Variants in NCAM2 observed in about 807,000 individuals in gnomAD.
NCAM2 encodes N-CAM-2.
In NCAM2, 30 loss-of-function variants were observed where a neutral mutation model predicts 98.1. That is an observed-to-expected ratio of 0.31 (90% CI 0.23 to 0.41). The LOEUF (loss-of-function observed/expected upper bound fraction) is 0.41. NCAM2 is among the 10% of genes least tolerant of loss of function. The pLI is 1.00. For missense variants in NCAM2, 867 were observed against 1,005.8 expected, an observed-to-expected ratio of 0.86 and a Z score of 1.87; for synonymous variants, 368 against 342.4, an observed-to-expected ratio of 1.07 and a Z score of -0.83.
At chr21:21,058,710 A>G (rs1414369069) in intron 1 of NCAM2, among the ~76,000 whole-genome samples, 1 of 150,320 alleles carries the variant, frequency 6.7e-6, no homozygotes, top group Non-Finnish European at 1.5e-5. Flanking sequence ...ACATTGACCC[A>G]TTGAGTCATG....
chr21:21,283,803 A>G (rs2073007636), intron 2 of NCAM2, among the ~76,000 whole-genome samples: 1 of 151,946 alleles, frequency 6.6e-6, no homozygotes, highest in Non-Finnish European at 1.5e-5. Context: ...ATGAAATCAT[A>G]TTAGTAATTG....
intron 1 of NCAM2, among the ~76,000 whole-genome samples, chr21:21,106,861 T>C (rs1299725039): frequency 3.3e-5 from 5 of 152,132 alleles, no homozygotes; most frequent in Admixed American, 6.5e-5. Flanking sequence ...ACATGATATT[T>C]TTGTTCTGAG....
intron 1 of NCAM2, among the ~76,000 whole-genome samples, chr21:21,061,803 T>C (rs1165997448): frequency 6.6e-6 from 1 of 152,190 alleles, no homozygotes; most frequent in Non-Finnish European, 1.5e-5. Flanking sequence ...GTTATATTAA[T>C]CTATTAAATA....
At chr21:21,313,036 A>T (rs11700521) in intron 5 of NCAM2, among the ~76,000 whole-genome samples, 20,449 of 151,640 alleles carry the variant, frequency 0.13, 1,744 homozygotes, top group Non-Finnish European at 0.19. Context: ...GATTTTTTTA[A>T]ATATTTTTAT....
At chr21:21,510,411 T>A (rs1226467715) in intron 16 of NCAM2, among the ~76,000 whole-genome samples, 1 of 152,152 alleles carries the variant, frequency 6.6e-6, no homozygotes, top group African/African-American at 2.4e-5. Flanking sequence ...TTTTGCTTAT[T>A]TTGGAACTTC....
intron 12 of NCAM2, among the ~76,000 whole-genome samples, chr21:21,438,884 G>T (rs916592878): frequency 1.3e-5 from 2 of 151,962 alleles, no homozygotes; most frequent in African/African-American, 4.8e-5. Context: ...GGAGTTCAGG[G>T]TCAGTCTGGG....
At chr21:21,485,034 A>C (rs1986228911) in intron 15 of NCAM2, among the ~76,000 whole-genome samples, 1 of 152,080 alleles carries the variant, frequency 6.6e-6, no homozygotes, top group African/African-American at 2.4e-5. Context: ...TTTTAAGTAT[A>C]AGTTTCCAAC....
chr21:21,513,906 A>G (rs931193765), intron 16 of NCAM2, among the ~76,000 whole-genome samples: 1 of 152,036 alleles, frequency 6.6e-6, no homozygotes, highest in African/African-American at 2.4e-5. Context: ...TAATTGTTAT[A>G]TTCCCTTGAT....
chr21:21,473,572 C>T (rs1984759938), intron 14 of NCAM2, among the ~76,000 whole-genome samples: 1 of 151,428 alleles, frequency 6.6e-6, no homozygotes, highest in Non-Finnish European at 1.5e-5. Context: ...AATCATAGGA[C>T]ATGAGAGTCA....
intron 1 of NCAM2, chr21:21,223,877 A>G (rs1168098330): frequency 6.6e-6 from 1 of 152,218 alleles, no homozygotes; most frequent in Non-Finnish European, 1.5e-5. Context: ...TCATCTAAAA[A>G]CAGAAAATAA....
chr21:21,239,765 A>T (rs1358157691), intron 1 of NCAM2, among the ~76,000 whole-genome samples: 12 of 152,196 alleles, frequency 7.9e-5, no homozygotes, highest in South Asian at 2.1e-4. Flanking sequence ...AGGTAGACTT[A>T]AAAGTAAAAT....
At chr21:21,431,123 TTGTGTG>T (rs3037969) in intron 11 of NCAM2, among the ~76,000 whole-genome samples, 1 of 141,172 alleles carries the variant, frequency 7.1e-6, no homozygotes, top group Non-Finnish European at 1.5e-5. Flanking sequence ...TAATATATGT[TTGTGTG>T]TGTGTGTGTG....
chr21:21,412,641 A>C (rs2076910852), intron 10 of NCAM2, among the ~76,000 whole-genome samples: 1 of 152,078 alleles, frequency 6.6e-6, no homozygotes, highest in Non-Finnish European at 1.5e-5. Flanking sequence ...ATTTTAAAAA[A>C]CCCACAATTT....
At chr21:21,384,172 C>T (rs571890281) in intron 9 of NCAM2, among the ~76,000 whole-genome samples, 9 of 151,744 alleles carry the variant, frequency 5.9e-5, no homozygotes, top group South Asian at 4.1e-4. Context: ...AACTATAAAA[C>T]GTTATTTCTA....
chr21:21,480,137 C>A (rs1985706784), intron 15 of NCAM2, among the ~76,000 whole-genome samples: 1 of 151,796 alleles, frequency 6.6e-6, no homozygotes, highest in African/African-American at 2.4e-5. Flanking sequence ...GAGGCCGAGG[C>A]GGGCGGATCA....
Position 21,272,162 on chromosome 21 carries a change from G to T in NCAM2, c.56-8416G>T, listed in dbSNP as rs561902151. 2.0e-4 allele frequency among the ~76,000 whole-genome samples: 30 copies of T among 152,278 alleles called. 1 individual carries two copies. The South Asian group carries it at 5.6e-3, about 28-fold the overall frequency. On this transcript the variant is annotated intron_variant, in intron 1 of 17. Coordinates refer to ENST00000400546, the MANE Select transcript of NCAM2 (RefSeq NM_004540.5). ...TTTATACACAGTGGGAAGTATATTT[G>T]TTCTAGAGATTGTAGACATATTAGA... is the stretch of plus-strand genomic sequence containing the variant.
At chr21:21,415,132 G>A (rs1466033688) in intron 10 of NCAM2, among the ~76,000 whole-genome samples, 1 of 151,786 alleles carries the variant, frequency 6.6e-6, no homozygotes, top group East Asian at 2.0e-4. Flanking sequence ...AATGAACAAT[G>A]GCTTGAACTT....
At chr21:21,130,913 T>C (rs183539976) in intron 1 of NCAM2, among the ~76,000 whole-genome samples, 1 of 152,286 alleles carries the variant, frequency 6.6e-6, no homozygotes, top group East Asian at 1.9e-4. Flanking sequence ...TGATATTTAG[T>C]TTAACTGAAT....
chr21:21,169,594 T>A lies in NCAM2; in HGVS notation c.56-110984T>A, dbSNP rs568897255. On this transcript the variant is annotated intron_variant, in intron 1 of 17. Coordinates refer to ENST00000400546, the MANE Select transcript of NCAM2 (RefSeq NM_004540.5). ...ACAAATAACTCTTAAAATTCAACAA[T>A]AAGAAAATCAATAACTTGATTAAAA... Among the ~76,000 whole-genome samples the A allele has an allele frequency of 3.3e-5, 5 of 152,096 alleles. No homozygotes were observed. The South Asian group carries it at 1.0e-3, about 32-fold the overall frequency.
Sources: allele counts gnomAD v4.1 joint callset (sites outside exome capture counted in the v4.1 genomes callset), GRCh38; gene constraint gnomAD v4.1.1; transcripts MANE v1.5; gene names NCBI Gene and HGNC (gene_info 2026-07-23, HGNC 2026-07-21).